The following SYT16 variants were observed in gnomAD, a reference collection of about 807,000 sequenced individuals.
SYT16 encodes synaptotagmin-16.
A neutral mutation model predicts 61.4 loss-of-function variants in SYT16; 42 were observed. The observed-to-expected ratio is 0.68, with a 90% CI of 0.53 to 0.89. SYT16 has a LOEUF of 0.89. Ranked by LOEUF, SYT16 falls within the 40% of genes least tolerant of loss-of-function variation. The pLI, the probability that SYT16 is intolerant of heterozygous loss-of-function variation, is 0.00. For synonymous variants in SYT16, 314 were observed against 302.3 expected (o/e 1.04, Z -0.40); for missense variants, 804 against 807.3 (o/e 1.00, Z 0.05).
chr14:62,101,503 T>G lies in SYT16; in HGVS notation c.*796T>G, dbSNP rs1047110031. ...ATAAGAAAACAAAAAACAAGACTAC[T>G]GCAGTCATAGATTTATTGATTTTTT... On this transcript the variant is annotated 3_prime_UTR_variant, in exon 8 of 8. Coordinates refer to ENST00000683842, the MANE Select transcript of SYT16 (RefSeq NM_001367656.1). 2 of 152,098 alleles carry G rather than the reference T, an allele frequency of 1.3e-5. No homozygotes were observed. Among genetic ancestry groups the G allele is most frequent in the African/African-American group, 2.4e-5 (1 of 41,360 alleles). 9.4% of individuals were successfully genotyped at this position (152,098 alleles called of 1,614,324 possible). A position where few individuals can be genotyped will look rare whatever the true frequency, so the allele number is the denominator to read the frequency against.
At chr14:61,935,757 G>C (rs2049958041) in intron 1 of SYT16, among the ~76,000 whole-genome samples, 1 of 152,172 alleles carries the variant, frequency 6.6e-6, no homozygotes, top group South Asian at 2.1e-4. Context: ...AGTAATTATG[G>C]TTAGTTTGTT....
chr14:61,831,854 G>T (rs76349141), intron 1 of SYT16: 7,050 of 430,878 alleles, frequency 0.016, 150 homozygotes, highest in African/African-American at 0.067. Context: ...AAGCAGGACA[G>T]CATCTCTCAC....
At chr14:62,098,339 A>G (rs1438213309) in intron 7 of SYT16, among the ~76,000 whole-genome samples, 1 of 152,260 alleles carries the variant, frequency 6.6e-6, no homozygotes, top group Non-Finnish European at 1.5e-5. Flanking sequence ...TTTAAGGAGA[A>G]TAATGTGTGC....
chr14:62,045,150 A>T (rs1354074281), intron 3 of SYT16, among the ~76,000 whole-genome samples: 8 of 149,578 alleles, frequency 5.3e-5, no homozygotes, highest in African/African-American at 1.3e-4. Flanking sequence ...ATAAATAAAT[A>T]AATAAATAAA....
chr14:61,908,893 G>T (rs1016126270), intron 1 of SYT16, among the ~76,000 whole-genome samples: 2 of 152,052 alleles, frequency 1.3e-5, no homozygotes, highest in African/African-American at 4.8e-5. Flanking sequence ...CGTGATAATG[G>T]TTCACTGCAG....
intron 3 of SYT16, among the ~76,000 whole-genome samples, chr14:62,040,314 A>C (rs1222184640): frequency 6.6e-6 from 1 of 152,206 alleles, no homozygotes; most frequent in Non-Finnish European, 1.5e-5. Context: ...TTACTGAAAA[A>C]GAGAGAAAGA....
At chr14:62,037,489 A>G (rs2054556998) in intron 3 of SYT16, among the ~76,000 whole-genome samples, 1 of 152,154 alleles carries the variant, frequency 6.6e-6, no homozygotes, top group African/African-American at 2.4e-5. Context: ...AGGTGCACAA[A>G]CCTTTATCTG....
At chr14:62,015,489 C>G (rs2053634931) in intron 3 of SYT16, among the ~76,000 whole-genome samples, 1 of 152,222 alleles carries the variant, frequency 6.6e-6, no homozygotes, top group Non-Finnish European at 1.5e-5. Flanking sequence ...TTGACCTTCT[C>G]CTCCCAACAT....
Position 62,069,693 on chromosome 14 carries a change from C to G in SYT16, c.614C>G (p.Ser205Cys). 4 of 1,613,942 alleles carry G rather than the reference C, an allele frequency of 2.5e-6. No homozygotes were observed. Among genetic ancestry groups the G allele is most frequent in the Non-Finnish European group, 3.4e-6 (4 of 1,179,866 alleles). The change falls in exon 4 of 8, where the codon TCC becomes TGC. Residue 205 changes from serine to cysteine, a missense_variant. Transcript: ENST00000683842. Reference sequence around the variant, plus strand: ...CAATTTGAGATTTCCGTGTCCCGGTCCCAGAGTTTCCGTTCAGTGACATCT... The same window carrying G: ...CAATTTGAGATTTCCGTGTCCCGGTGCCAGAGTTTCCGTTCAGTGACATCT... ...IKQFEISVSR[S>C]QSFRSVTSEK... is the part of the protein sequence containing the mutation.
In SYT16 at chr14:62,112,060, A is replaced by G. The variant is rs61123627; in HGVS notation, c.*11353A>G. 152 of 152,216 alleles carry G rather than the reference A, an allele frequency of 1.0e-3. No homozygotes were observed. Among genetic ancestry groups the G allele is most frequent in the African/African-American group, 3.6e-3 (150 of 41,568 alleles). 9.4% of individuals were successfully genotyped at this position (152,216 alleles called of 1,614,324 possible). On this transcript the variant is annotated 3_prime_UTR_variant, in exon 8 of 8. Transcript: ENST00000683842. ...TTGTTAAAAACTGGAATACCTTTCT[A>G]CCTTTTGTAGTCTTTAAGATTTCAT...
chr14:62,082,258 C>G (rs577506579), intron 6 of SYT16, among the ~76,000 whole-genome samples: 2 of 152,216 alleles, frequency 1.3e-5, no homozygotes, highest in Admixed American at 1.3e-4. Flanking sequence ...GACAGAAAGT[C>G]TGGACTGTAG....
intron 1 of SYT16, among the ~76,000 whole-genome samples, chr14:61,935,023 T>C (rs2140434494): frequency 6.6e-6 from 1 of 152,352 alleles, no homozygotes; most frequent in East Asian, 1.9e-4. Flanking sequence ...TGCAACATGA[T>C]ATTTTGATAT....
intron 3 of SYT16, among the ~76,000 whole-genome samples, chr14:62,016,451 TG>T (rs2053680483): frequency 6.7e-6 from 1 of 150,322 alleles, no homozygotes; most frequent in African/African-American, 2.5e-5. Context: ...CCCAGCACTT[TG>T]GGAGGCCAAG....
At chr14:61,930,608 C>T (rs1485908872) in intron 1 of SYT16, among the ~76,000 whole-genome samples, 2 of 152,004 alleles carry the variant, frequency 1.3e-5, no homozygotes, top group Non-Finnish European at 2.9e-5. Flanking sequence ...TCAAGATGTT[C>T]ACATCCTAAT....
intron 1 of SYT16, among the ~76,000 whole-genome samples, chr14:61,844,846 G>A (rs1176021298): frequency 6.6e-6 from 1 of 151,908 alleles, no homozygotes; most frequent in Non-Finnish European, 1.5e-5. Flanking sequence ...ACAGTTTTCT[G>A]TTTTTAATAT....
chr14:62,081,033 A>G lies in SYT16; in HGVS notation c.1193A>G (p.Lys398Arg), dbSNP rs1481111710. 1 of 1,613,454 alleles carries G rather than the reference A, an allele frequency of 6.2e-7. No individual in the cohort carries two copies. Among genetic ancestry groups the G allele is most frequent in the Non-Finnish European group, 8.5e-7 (1 of 1,179,724 alleles). The change falls in exon 6 of 8, where the codon AAG becomes AGG. Residue 398 changes from lysine to arginine, a missense_variant. Lys to Arg is a conservative substitution (Grantham distance 26, BLOSUM62 2). Transcript: ENST00000683842. ...WQVHVVLLPG[K>R]KHRGRTNIQR... ...GTTCATGTAGTGCTGCTGCCTGGTA[A>G]GAAACACAGGGGCAGGACGAACATA...
intron 1 of SYT16, among the ~76,000 whole-genome samples, chr14:61,823,056 G>A (rs898099537): frequency 3.9e-5 from 6 of 152,022 alleles, no homozygotes; most frequent in African/African-American, 1.5e-4. Flanking sequence ...GCAGTAGCAC[G>A]ATCTCAGCTC....
At chr14:62,001,089 C>T (rs976610622) in intron 3 of SYT16, among the ~76,000 whole-genome samples, 2 of 151,932 alleles carry the variant, frequency 1.3e-5, no homozygotes, top group African/African-American at 4.8e-5. Flanking sequence ...AACCCCTCCT[C>T]AAAACCAAAA....
chr14:61,892,201 CT>C (rs1333700211), intron 1 of SYT16, among the ~76,000 whole-genome samples: 3 of 152,036 alleles, frequency 2.0e-5, no homozygotes, highest in African/African-American at 7.3e-5. Flanking sequence ...CATCTTTCCC[CT>C]GACCCTCCGT....
Sources: gnomAD v4.1 joint callset for allele counts (sites outside exome capture counted in the v4.1 genomes callset) on GRCh38, gnomAD v4.1.1 for gene constraint, MANE v1.5 for transcripts, NCBI Gene and HGNC (gene_info 2026-07-23, HGNC 2026-07-21) for gene names.